Variants in CXCL14 observed in about 807,000 individuals in gnomAD.
CXCL14 encodes C-X-C motif chemokine ligand 14, also known as C-X-C motif chemokine 14.
Under a neutral mutation model 16.1 loss-of-function variants are expected in CXCL14, and 9 were observed. The observed-to-expected ratio is 0.56, with a 90% confidence interval of 0.34 to 0.97. The LOEUF (loss-of-function observed/expected upper bound fraction) is 0.97, where lower values mean the gene tolerates loss of function less well. CXCL14 is among the 50% of genes least tolerant of loss of function. CXCL14 has a pLI of 0.02. For synonymous variants in CXCL14, 55 were observed against 52.8 expected (o/e 1.04, Z -0.18); for missense variants, 111 against 132.5 (o/e 0.84, Z 0.80).
Position 135,578,538 on chromosome 5 carries a change from C to T in CXCL14, c.66G>A (p.Gly22=), listed in dbSNP as rs945641563. ...LLALYTARVD[G]SKCKCSRKGP... is the part of the protein sequence containing the mutation. ...CCTTCCGGGAGCACTTGCATTTGGA[C>T]CCTGCGAGCGAGCGCGGGGCAACGG... Residue 22 remains glycine, a splice_region_variant and synonymous_variant, in exon 2 of 4, where the codon GGG becomes GGA. Transcript: ENST00000512158. 2 of 1,614,182 alleles carry T rather than the reference C, an allele frequency of 1.2e-6. No homozygotes were observed. Among genetic ancestry groups the T allele is most frequent in the South Asian group, 1.1e-5 (1 of 91,078 alleles).
chr5:135,572,633 T>G lies in CXCL14; in HGVS notation c.285-765A>C, dbSNP rs560915561. ...ACACTTAGCCTATCACTTTTCTGTC[T>G]CGTTCTTGATTTCTGAGTAAGACCA... On this transcript the variant is annotated intron_variant, in intron 3 of 3. Coordinates refer to ENST00000512158, the MANE Select transcript of CXCL14 (RefSeq NM_004887.5). 2.6e-3 allele frequency among the ~76,000 whole-genome samples: 402 copies of G among 152,348 alleles called. 2 individuals are homozygous for G. Among genetic ancestry groups the G allele is most frequent in the African/African-American group, 9.0e-3 (376 of 41,588 alleles).
intron 3 of CXCL14, among the ~76,000 whole-genome samples, chr5:135,573,246 T>C (rs1248813757): frequency 6.6e-6 from 1 of 152,162 alleles, no homozygotes; most frequent in South Asian, 2.1e-4. Context: ...GGTGACAGAG[T>C]GTGGACTGCG....
chr5:135,571,742 C>CCT lies in CXCL14; in HGVS notation c.*110_*111insAG. 2.2e-6 allele frequency: 1 copy of CCT among 444,898 alleles called. No homozygotes were observed. Among genetic ancestry groups the CCT allele is most frequent in the Admixed American group, 6.6e-5 (1 of 15,134 alleles). The allele number at this position is 444,898 out of a possible 1,614,324, so 27.6% of individuals were successfully genotyped here. A position where few individuals can be genotyped will look rare whatever the true frequency, so the allele number is the denominator to read the frequency against. On this transcript the variant is annotated 3_prime_UTR_variant, in exon 4 of 4. Coordinates refer to ENST00000512158, the MANE Select transcript of CXCL14 (RefSeq NM_004887.5). ...GTCTTATGCCTGTGAGAAAGAAAGG[C>CCT]TTTTTTTTTTTTTTTTTTTTTTTTT... is the stretch of plus-strand genomic sequence containing the variant.
intron 3 of CXCL14, among the ~76,000 whole-genome samples, chr5:135,573,709 CGTGTGTGT>C (rs3057739): frequency 0.018 from 2,674 of 145,498 alleles, 75 homozygotes; most frequent in African/African-American, 0.063. Flanking sequence ...TGCATGCATG[CGTGTGTGT>C]GTGTGTGTGT....
chr5:135,572,604 C>A (rs753627532), intron 3 of CXCL14, among the ~76,000 whole-genome samples: 2 of 152,216 alleles, frequency 1.3e-5, no homozygotes, highest in South Asian at 4.1e-4. Context: ...TGGGGCCATA[C>A]GTTACACTTA....
rs1169061179 is a variant in CXCL14, at chr5:135,574,646, C to T, written c.210G>A (p.Glu70=). The T allele has an allele frequency of 1.9e-6, 3 of 1,613,788 alleles. No individual in the cohort carries two copies. The highest frequency in any genetic ancestry group is 2.5e-6 in the Non-Finnish European group (3 of 1,179,944). Residue 70 remains glutamate (E), a synonymous_variant, in exon 3 of 4, where the codon GAG becomes GAA. Coordinates refer to ENST00000512158, the MANE Select transcript of CXCL14 (RefSeq NM_004887.5). ...TCTGCAGCTTGGGGTGCAGGCAGTG[C>T]TCCTGACCTCGGTACCTGGACACGC... ...TKSVSRYRGQ[E]HCLHPKLQST...
chr5:135,572,308 G>A (rs1321093106), intron 3 of CXCL14, among the ~76,000 whole-genome samples: 1 of 152,202 alleles, frequency 6.6e-6, no homozygotes, highest in African/African-American at 2.4e-5. Flanking sequence ...AAAATAGCAA[G>A]GGTGGGAGGC....
At chr5:135,572,574 G>C (rs542343299) in intron 3 of CXCL14, among the ~76,000 whole-genome samples, 8 of 152,156 alleles carry the variant, frequency 5.3e-5, no homozygotes, top group Non-Finnish European at 1.0e-4. Flanking sequence ...CTTTCTTCTA[G>C]TTCTGCCCCA....
At chr5:135,573,503 T>C (rs1476004442) in intron 3 of CXCL14, among the ~76,000 whole-genome samples, 1 of 152,020 alleles carries the variant, frequency 6.6e-6, no homozygotes, top group Non-Finnish European at 1.5e-5. Flanking sequence ...GGGAGGGCAA[T>C]GCAGGCACCC....
At chr5:135,574,713 G>C in intron 2 of CXCL14, 28 bp from the exon 3 acceptor site, 2 of 1,567,150 alleles carry the variant, frequency 1.3e-6, no homozygotes, top group Non-Finnish European at 1.8e-6. Flanking sequence ...GAGGTGGAGG[G>C]TTGAGGAGCC....
chr5:135,574,035 AC>A (rs1006140141), intron 3 of CXCL14, among the ~76,000 whole-genome samples: 5 of 152,202 alleles, frequency 3.3e-5, no homozygotes, highest in African/African-American at 4.8e-5. Flanking sequence ...GCCTTCCAGC[AC>A]CTGCGAAGGA....
At chr5:135,572,090 A>G (rs531491002) in intron 3 of CXCL14, among the ~76,000 whole-genome samples, 108 of 152,260 alleles carry the variant, frequency 7.1e-4, no homozygotes, top group African/African-American at 2.5e-3. Context: ...ACCATCTGCA[A>G]TCTCACTTCT....
At chr5:135,573,967 A>C (rs1751060866) in intron 3 of CXCL14, among the ~76,000 whole-genome samples, 1 of 152,210 alleles carries the variant, frequency 6.6e-6, no homozygotes, top group African/African-American at 2.4e-5. Context: ...GGTGGTCTTA[A>C]CACTGCTGCC....
At chr5:135,578,689 C>G (rs563142483) in intron 1 of CXCL14, 26 bp downstream of exon 1, 431 of 1,554,296 alleles carry the variant, frequency 2.8e-4, no homozygotes, top group Non-Finnish European at 3.5e-4. Context: ...GACGAGACGG[C>G]GACAAGGGGA....
chr5:135,575,155 G>A (rs533938879), intron 2 of CXCL14, among the ~76,000 whole-genome samples: 10 of 152,120 alleles, frequency 6.6e-5, no homozygotes, highest in Non-Finnish European at 1.0e-4. Flanking sequence ...GACATGCCCC[G>A]CAGACACTCT....
intron 3 of CXCL14, 125 bp from the exon 4 acceptor site, chr5:135,571,993 ACC>A: frequency 1.1e-6 from 1 of 910,824 alleles, no homozygotes; most frequent in Non-Finnish European, 1.7e-6. Context: ...AACTGCAGGA[ACC>A]CCCAGGAGAA....
intron 2 of CXCL14, among the ~76,000 whole-genome samples, chr5:135,575,067 GT>G (rs1294648207): frequency 1.3e-5 from 2 of 152,160 alleles, no homozygotes; most frequent in Non-Finnish European, 2.9e-5. Context: ...GGATCAGGAG[GT>G]GGAGAAAGCT....
At chr5:135,575,096 C>T (rs776344346) in intron 2 of CXCL14, among the ~76,000 whole-genome samples, 2 of 152,192 alleles carry the variant, frequency 1.3e-5, no homozygotes, top group East Asian at 1.9e-4. Flanking sequence ...GCAAGGTGCA[C>T]ATGCCAAAAC....
Position 135,578,495 on chromosome 5 carries a change from T to A in CXCL14, c.109A>T (p.Ser37Cys), listed in dbSNP as rs1254233388. 1.2e-6 allele frequency: 2 copies of A among 1,614,224 alleles called. No homozygotes were observed. Among genetic ancestry groups the A allele is most frequent in the Admixed American group, 3.3e-5 (2 of 60,036 alleles). Reference sequence around the variant, plus strand: ...TTCATTTCCAGCTTCTTCACGTCGCTGTAGCGGATCTTGGGTCCCTTCCGG... The same window carrying A: ...TTCATTTCCAGCTTCTTCACGTCGCAGTAGCGGATCTTGGGTCCCTTCCGG... ...CSRKGPKIRY[S>C]DVKKLEMKPK... Residue 37 changes from serine to cysteine, a missense_variant, in exon 2 of 4, where the codon AGC becomes TGC. Transcript: ENST00000512158.
Sources: gnomAD v4.1 joint callset for allele counts (sites outside exome capture counted in the v4.1 genomes callset) on GRCh38, gnomAD v4.1.1 for gene constraint, MANE v1.5 for transcripts, NCBI Gene and HGNC (gene_info 2026-07-23, HGNC 2026-07-21) for gene names.